Variants in EDARADD observed in about 807,000 individuals in gnomAD.
The protein encoded by EDARADD is ectodysplasin-A receptor-associated adapter protein.
In EDARADD, 20 loss-of-function variants were observed where a neutral mutation model predicts 25.6. That is an observed-to-expected ratio of 0.78 (90% CI 0.55 to 1.14). The LOEUF is 1.14. Ranked by LOEUF, EDARADD falls within the 50% of genes most tolerant of loss-of-function variation. The pLI is 0.00. For missense variants in EDARADD, 225 were observed against 270.1 expected (o/e 0.83, Z 1.17); for synonymous variants, 86 against 94.4 (o/e 0.91, Z 0.52).
intron 4 of EDARADD, among the ~76,000 whole-genome samples, chr1:236,444,571 G>A (rs1025331481): frequency 4.6e-5 from 7 of 152,120 alleles, no homozygotes; most frequent in Non-Finnish European, 8.8e-5. Context: ...ACAGGCATGC[G>A]CCACCACGCC....
chr1:236,484,484 A>G lies in EDARADD; in HGVS notation c.*1835A>G, dbSNP rs563960898. ...CAGCCAAGTAAGCTGTGGGCAGGCA[A>G]GCCCTTCAGTCACCTGGTGGCTAAT... On this transcript the variant is annotated 3_prime_UTR_variant, in exon 6 of 6. Coordinates refer to ENST00000334232, the MANE Select transcript of EDARADD (RefSeq NM_145861.4). The surrounding 1 kb of genome is among the most constrained non-coding windows in gnomAD (Gnocchi z 4.1). 1.9e-5 allele frequency: 30 copies of G among 1,601,816 alleles called. No homozygotes were observed. The South Asian group carries it at 2.8e-4, about 15-fold the overall frequency.
At chr1:236,442,286 C>A (rs1245739239) in intron 4 of EDARADD, among the ~76,000 whole-genome samples, 1 of 151,970 alleles carries the variant, frequency 6.6e-6, no homozygotes, top group Admixed American at 6.6e-5. Flanking sequence ...CCACCTTGCC[C>A]AGCTATTTTT....
chr1:236,443,050 TAAG>T (rs1396635067), intron 4 of EDARADD, among the ~76,000 whole-genome samples: 4 of 152,184 alleles, frequency 2.6e-5, no homozygotes, highest in Non-Finnish European at 4.4e-5. Flanking sequence ...GAAGGCTTCC[TAAG>T]AAGAAGTTAC....
Position 236,379,794 on chromosome 1 carries a change from T to C in EDARADD, c.-6+28955T>C, listed in dbSNP as rs534252855. Among the ~76,000 whole-genome samples the C allele has an allele frequency of 2.6e-3, 398 of 152,164 alleles. 5 individuals carry two copies. The highest frequency in any genetic ancestry group is 9.2e-3 in the African/African-American group (382 of 41,502). ...GACTCCATCTCAAAAAAACAATAAG[T>C]AAAATTAAAAAATTAAAAATTGAAT... On this transcript the variant is annotated intron_variant, in intron 3 of 7. Coordinates refer to the EDARADD transcript ENST00000439430.
intron 3 of EDARADD, among the ~76,000 whole-genome samples, chr1:236,418,420 T>G (rs971997263): frequency 2.0e-5 from 3 of 151,890 alleles, no homozygotes; most frequent in African/African-American, 7.3e-5. Context: ...AATTTTTGTA[T>G]TTTTAGTAGA....
At chr1:236,464,019 G>T (rs996349517) in intron 4 of EDARADD, among the ~76,000 whole-genome samples, 2 of 152,168 alleles carry the variant, frequency 1.3e-5, no homozygotes, top group African/African-American at 2.4e-5. Flanking sequence ...TGATGTCTAA[G>T]CTGAGGCCCT....
chr1:236,433,877 A>G (rs1393546019), intron 4 of EDARADD, among the ~76,000 whole-genome samples: 1 of 93,372 alleles, frequency 1.1e-5, no homozygotes, highest in African/African-American at 3.2e-5. Context: ...CTCAAAAATC[A>G]AAAACAAACA....
intron 4 of EDARADD, among the ~76,000 whole-genome samples, chr1:236,443,162 C>T (rs1443932986): frequency 6.6e-6 from 1 of 152,174 alleles, no homozygotes; most frequent in East Asian, 1.9e-4. Context: ...AGCCCCTCAA[C>T]CTGGGACTTC....
At chr1:236,409,068 T>TAAA (rs772223735) in intron 1 of EDARADD, 148 bp from the exon 2 acceptor site, 123 of 333,228 alleles carry the variant, frequency 3.7e-4, no homozygotes, top group Middle Eastern at 1.8e-3. Flanking sequence ...TCCTATTTCT[T>TAAA]AAAAAAAAAA....
chr1:236,447,198 TTC>T (rs1658574173), intron 4 of EDARADD, among the ~76,000 whole-genome samples: 1 of 63,320 alleles, frequency 1.6e-5, no homozygotes, highest in Non-Finnish European at 3.5e-5. Flanking sequence ...CTTTCTTTCT[TTC>T]TTTCTTTCTT....
intron 4 of EDARADD, among the ~76,000 whole-genome samples, chr1:236,444,764 A>G (rs2103023937): frequency 6.6e-6 from 1 of 152,264 alleles, no homozygotes; most frequent in East Asian, 1.9e-4. Context: ...TCACTGCACA[A>G]TTACCTGATA....
At position 236,396,451 on chromosome 1, in the gene EDARADD, G is replaced by T. The variant is rs532693627; in HGVS notation, c.61+1946G>T. Reference sequence around the variant, plus strand: ...TGGGGCTTTACTTGGTTTTGTTGAGGTTGGAAACACTGAAGAGAGTTACAC... The same window carrying T: ...TGGGGCTTTACTTGGTTTTGTTGAGTTTGGAAACACTGAAGAGAGTTACAC... On this transcript the variant is annotated intron_variant, in intron 1 of 5. Transcript: ENST00000334232. Among the ~76,000 whole-genome samples, 3 of 152,290 alleles carry T rather than the reference G, an allele frequency of 2.0e-5. No individual in the cohort carries two copies. The South Asian group carries it at 6.2e-4, about 32-fold the overall frequency.
intron 3 of EDARADD, among the ~76,000 whole-genome samples, chr1:236,358,077 G>T (rs1667002762): frequency 6.6e-6 from 1 of 152,040 alleles, no homozygotes; most frequent in African/African-American, 2.4e-5. Context: ...TGCCATGTTG[G>T]CCAGGCTGGT....
intron 1 of EDARADD, among the ~76,000 whole-genome samples, chr1:236,401,224 A>G (rs1358152306): frequency 3.3e-5 from 5 of 152,112 alleles, no homozygotes; most frequent in Non-Finnish European, 7.4e-5. Flanking sequence ...CAACACACAA[A>G]TAACAAATGA....
chr1:236,404,189 C>T (rs368746404), intron 1 of EDARADD, among the ~76,000 whole-genome samples: 107 of 152,240 alleles, frequency 7.0e-4, no homozygotes, highest in African/African-American at 2.2e-3. Flanking sequence ...TGCTGTTAGG[C>T]GGGGGCTGGG....
chr1:236,450,356 T>G (rs1010027607), intron 4 of EDARADD, among the ~76,000 whole-genome samples: 4 of 152,104 alleles, frequency 2.6e-5, no homozygotes, highest in Non-Finnish European at 5.9e-5. Context: ...TCCCTTTGCA[T>G]GGGTATAATT....
chr1:236,471,169 A>G (rs1659349254), intron 5 of EDARADD, among the ~76,000 whole-genome samples: 1 of 152,212 alleles, frequency 6.6e-6, no homozygotes, highest in Admixed American at 6.5e-5. Flanking sequence ...CCAACCTGTC[A>G]GTTACTTCCC....
chr1:236,478,359 ATG>A (rs35531700), intron 5 of EDARADD, among the ~76,000 whole-genome samples: 28,800 of 144,600 alleles, frequency 0.2, 3,119 homozygotes, highest in Non-Finnish European at 0.25. Context: ...CCATATATAT[ATG>A]TGTGTGTGTG....
At chr1:236,377,610 A>G (rs1266527946) in intron 3 of EDARADD, among the ~76,000 whole-genome samples, 1 of 151,360 alleles carries the variant, frequency 6.6e-6, no homozygotes, top group Non-Finnish European at 1.5e-5. Flanking sequence ...CTGTAATCCC[A>G]GCACTTTGGG....
Sources: gnomAD v4.1 joint callset for allele counts (sites outside exome capture counted in the v4.1 genomes callset) on GRCh38, gnomAD v4.1.1 for gene constraint, Gnocchi (gnomAD v3.1) non-coding constraint, MANE v1.5 for transcripts, NCBI Gene and HGNC (gene_info 2026-07-23, HGNC 2026-07-21) for gene names.